Variants in SH3GL3 observed in about 807,000 individuals in gnomAD.
SH3GL3 encodes SH3 domain containing GRB2 like 3, endophilin A3.
A neutral mutation model predicts 47.7 loss-of-function variants in SH3GL3; 33 were observed. The observed-to-expected ratio is 0.69, with a 90% CI of 0.52 to 0.92. The LOEUF (loss-of-function observed/expected upper bound fraction) is 0.92. Ranked by LOEUF, SH3GL3 falls within the 40% of genes least tolerant of loss-of-function variation. The pLI is 0.00. For missense variants in SH3GL3, 363 were observed against 417.8 expected, an observed-to-expected ratio of 0.87 and a Z score of 1.14; for synonymous variants, 155 against 148.8, an observed-to-expected ratio of 1.04 and a Z score of -0.30.
the SH3GL3 span, among the ~76,000 whole-genome samples, chr15:83,626,279 CA>C: frequency 2.0e-5 from 3 of 152,326 alleles, no homozygotes; most frequent in African/African-American, 7.2e-5. Flanking sequence ...CAAGAAGTAA[CA>C]ATCTGATTCA....
At chr15:83,497,480 CT>C (rs1371744215) in intron 1 of SH3GL3, among the ~76,000 whole-genome samples, 2 of 152,304 alleles carry the variant, frequency 1.3e-5, no homozygotes, top group African/African-American at 2.4e-5. Context: ...AAGGTGCCCC[CT>C]GACCCCTTCT....
intron 1 of SH3GL3, among the ~76,000 whole-genome samples, chr15:83,511,006 G>T (rs967848175): frequency 1.3e-5 from 2 of 151,926 alleles, no homozygotes; most frequent in Non-Finnish European, 2.9e-5. Context: ...GTGGGGAGAG[G>T]GGGGCGGGAT....
intron 1 of SH3GL3, among the ~76,000 whole-genome samples, chr15:83,500,216 G>A (rs1157216187): frequency 6.6e-6 from 1 of 152,202 alleles, no homozygotes; most frequent in Non-Finnish European, 1.5e-5. Context: ...ACCTGAGGTG[G>A]TTATTGTGCT....
intron 5 of SH3GL3, among the ~76,000 whole-genome samples, chr15:83,574,976 TC>T (rs1313665434): frequency 6.6e-6 from 1 of 152,214 alleles, no homozygotes; most frequent in East Asian, 1.9e-4. Flanking sequence ...AGTCCATTCC[TC>T]GGGGTGAGTG....
At chr15:83,595,640 T>C in intron 8 of SH3GL3, among the ~76,000 whole-genome samples, 1 of 149,762 alleles carries the variant, frequency 6.7e-6, no homozygotes. Flanking sequence ...TTTTCCTGCA[T>C]GAAGGCTTTA....
At chr15:83,491,978 C>G (rs562797153) in intron 1 of SH3GL3, among the ~76,000 whole-genome samples, 1 of 152,124 alleles carries the variant, frequency 6.6e-6, no homozygotes, top group Non-Finnish European at 1.5e-5. Context: ...TCTGATCAAT[C>G]TTCCAACTAT....
intron 1 of SH3GL3, among the ~76,000 whole-genome samples, chr15:83,487,174 A>T (rs1269409781): frequency 6.7e-6 from 1 of 150,062 alleles, no homozygotes; most frequent in African/African-American, 2.4e-5. Context: ...AAATGTTTTA[A>T]TCTTGAAGAA....
intron 1 of SH3GL3, among the ~76,000 whole-genome samples, chr15:83,544,010 A>G (rs889720694): frequency 6.6e-6 from 1 of 150,384 alleles, no homozygotes; most frequent in South Asian, 2.1e-4. Flanking sequence ...TTTCAATTTT[A>G]TTTATTTCTG....
At chr15:83,577,565 A>G (rs1479320239) in intron 6 of SH3GL3, among the ~76,000 whole-genome samples, 1 of 151,882 alleles carries the variant, frequency 6.6e-6, no homozygotes, top group Non-Finnish European at 1.5e-5. Flanking sequence ...AACCCTGATA[A>G]TTTTTTGTCA....
At chr15:83,559,147 C>T in intron 1 of SH3GL3, 106 bp from the exon 2 acceptor site, 1 of 681,196 alleles carries the variant, frequency 1.5e-6, no homozygotes, top group South Asian at 1.9e-5. Context: ...TCAAAAAATC[C>T]AACAAGTTGA....
intron 1 of SH3GL3, among the ~76,000 whole-genome samples, chr15:83,503,964 A>G (rs1043840741): frequency 3.9e-5 from 6 of 152,206 alleles, no homozygotes; most frequent in African/African-American, 1.4e-4. Flanking sequence ...TAATTGTGAG[A>G]TGAAATGTTA....
intron 6 of SH3GL3, among the ~76,000 whole-genome samples, chr15:83,586,134 T>G (rs535987237): frequency 1.3e-5 from 2 of 152,308 alleles, no homozygotes; most frequent in South Asian, 4.1e-4. Flanking sequence ...GGGAGGCCCA[T>G]CACCTCAACC....
intron 1 of SH3GL3, among the ~76,000 whole-genome samples, chr15:83,483,681 G>A (rs2041471544): frequency 6.6e-6 from 1 of 152,140 alleles, no homozygotes; most frequent in Admixed American, 6.6e-5. Context: ...CTTTCTGTGG[G>A]TCTGCCCAAA....
At chr15:83,449,932 A>G (rs78312683) in intron 1 of SH3GL3, among the ~76,000 whole-genome samples, 1 of 152,356 alleles carries the variant, frequency 6.6e-6, no homozygotes, top group Non-Finnish European at 1.5e-5. Flanking sequence ...AGGGAGCTCA[A>G]TAATAAAAAA....
intron 1 of SH3GL3, among the ~76,000 whole-genome samples, chr15:83,473,069 C>A (rs2040903513): frequency 6.6e-6 from 1 of 152,192 alleles, no homozygotes; most frequent in African/African-American, 2.4e-5. Flanking sequence ...TCAACTGACA[C>A]CATGGCGGGG....
chr15:83,594,800 C>G (rs1446158536), intron 8 of SH3GL3, among the ~76,000 whole-genome samples: 1 of 152,158 alleles, frequency 6.6e-6, no homozygotes, highest in Non-Finnish European at 1.5e-5. Flanking sequence ...ATCCCATCAC[C>G]TACCATCTCA....
At chr15:83,604,012 T>A (rs1474164052) in intron 8 of SH3GL3, among the ~76,000 whole-genome samples, 2 of 152,226 alleles carry the variant, frequency 1.3e-5, no homozygotes, top group East Asian at 3.9e-4. Flanking sequence ...CGCATGCCTG[T>A]AATCCTAGCT....
At chr15:83,483,704 G>A (rs534628004) in intron 1 of SH3GL3, among the ~76,000 whole-genome samples, 17 of 152,288 alleles carry the variant, frequency 1.1e-4, no homozygotes, top group African/African-American at 3.4e-4. Context: ...TAGAGAAGTC[G>A]CATTACCCTC....
chr15:83,543,914 A>G (rs2044283792), intron 1 of SH3GL3, among the ~76,000 whole-genome samples: 1 of 151,660 alleles, frequency 6.6e-6, no homozygotes, highest in South Asian at 2.1e-4. Context: ...TCTTTTTCTT[A>G]GTCTGGCTAA....
Sources: allele counts gnomAD v4.1 joint callset (sites outside exome capture counted in the v4.1 genomes callset), GRCh38; gene constraint gnomAD v4.1.1; transcripts MANE v1.5; gene names NCBI Gene and HGNC (gene_info 2026-07-23, HGNC 2026-07-21).